AGAP1: variants seen among roughly 807,000 people sequenced by gnomAD.
AGAP1 encodes the protein arf-GAP with GTPase, ANK repeat and PH domain-containing protein 1.
AGAP1 carries 29 observed loss-of-function variants against 105.3 expected under a neutral mutation model. That is an observed-to-expected ratio of 0.28 (90% CI 0.21 to 0.38). AGAP1 has a LOEUF of 0.38. AGAP1 is among the 10% of genes least tolerant of loss of function. The probability of loss-of-function intolerance (pLI) is 1.00; values close to 1 mark genes in which losing one functional copy is unlikely to be tolerated. For missense variants in AGAP1, 998 were observed against 1,165.1 expected, an observed-to-expected ratio of 0.86 and a Z score of 2.09; for synonymous variants, 509 against 485.9, an observed-to-expected ratio of 1.05 and a Z score of -0.63.
In AGAP1 at chr2:235,891,858, A is replaced by C. The variant is rs1398371829; in HGVS notation, c.1155+8409A>C. 6.6e-6 allele frequency among the ~76,000 whole-genome samples: 1 copy of C among 152,134 alleles called. No homozygotes were observed. The highest frequency in any genetic ancestry group is 1.5e-5 in the Non-Finnish European group (1 of 68,032). On this transcript the variant is annotated intron_variant, in intron 10 of 17. Transcript: ENST00000304032. The surrounding 1 kb of genome is among the most constrained non-coding windows in gnomAD (Gnocchi z 4.2). ...CGTGCATGAACTGGTCAGACTTTTA[A>C]AAAACCTCCTTCTGGCCAGGTGTGG...
chr2:235,573,685 C>A (rs770680102), intron 1 of AGAP1, among the ~76,000 whole-genome samples: 1 of 152,246 alleles, frequency 6.6e-6, no homozygotes, highest in Non-Finnish European at 1.5e-5. Flanking sequence ...GAATTCTGGT[C>A]TCTGCAAACG....
intron 1 of AGAP1, among the ~76,000 whole-genome samples, chr2:235,547,429 G>T (rs1943662499): frequency 6.6e-6 from 1 of 150,792 alleles, no homozygotes; most frequent in African/African-American, 2.4e-5. Context: ...TGCGATCTCG[G>T]CTCACTGCAA....
chr2:235,821,086 A>G (rs1958760711), intron 9 of AGAP1, among the ~76,000 whole-genome samples: 1 of 152,214 alleles, frequency 6.6e-6, no homozygotes, highest in South Asian at 2.1e-4. Flanking sequence ...GGAGAAAGGG[A>G]AAAAGACCTT....
rs1250772330 is a variant in AGAP1 at position 235,707,472 on chromosome 2, ACCCCC to A, written c.164-1697_164-1693del. On this transcript the variant is annotated intron_variant, in intron 1 of 17. Coordinates refer to ENST00000304032, the MANE Select transcript of AGAP1 (RefSeq NM_001037131.3). The stretch of plus-strand genomic sequence containing the variant: ...TTGCTGCACAGTTGCCCTCCCCATG[ACCCCC>A]CCCCCCCCCGCCCAGAACACACTGG... 5.8e-3 allele frequency among the ~76,000 whole-genome samples: 129 copies of A among 22,422 alleles called. 18 individuals carry two copies. The South Asian group carries it at 0.13, about 23-fold the overall frequency. The allele number at this position is 22,422 out of a possible 152,430, so 14.7% of individuals were successfully genotyped here.
In AGAP1 at chr2:235,599,015, G is replaced by A. The variant is rs1406394390; in HGVS notation, c.163+104166G>A. 6.6e-6 allele frequency among the ~76,000 whole-genome samples: 1 copy of A among 152,138 alleles called. No individual in the cohort carries two copies. The highest frequency in any genetic ancestry group is 1.5e-5 in the Non-Finnish European group (1 of 68,040). ...TCTTGTTGACATTTGCGTCTGTGGT[G>A]GTGTACACAGATGAGCTCACTGCTG... On this transcript the variant is annotated intron_variant, in intron 1 of 17. Coordinates refer to ENST00000304032, the MANE Select transcript of AGAP1 (RefSeq NM_001037131.3). This position sits in a 1 kb window ranked among gnomAD's most constrained non-coding sequence, Gnocchi z 5.3.
rs372723604 is a variant in AGAP1 at position 235,807,281 on chromosome 2, G to A, written c.1000G>A (p.Glu334Lys). 1 of 1,606,866 alleles carries A rather than the reference G, an allele frequency of 6.2e-7. No individual in the cohort carries two copies. Residue 334 changes from glutamate (E) to lysine (K), a missense_variant, in exon 9 of 18, where the codon GAG becomes AAG. Glu to Lys is a moderately conservative substitution (Grantham distance 56, BLOSUM62 1). Coordinates refer to ENST00000304032, the MANE Select transcript of AGAP1 (RefSeq NM_001037131.3). ...SDPDKEKKGLESRADSIGSGR... is the reference protein window; with the variant it reads ...SDPDKEKKGLKSRADSIGSGR... ...CCCAGACAAAGAGAAGAAAGGCCTGGAGAGTCGTGCGGACAGCATTGGGAG... is the reference window on the plus strand; with the variant it reads ...CCCAGACAAAGAGAAGAAAGGCCTGAAGAGTCGTGCGGACAGCATTGGGAG...
At position 235,622,049 on chromosome 2, in the gene AGAP1, T is replaced by G. The variant is rs1946501219; in HGVS notation, c.164-87130T>G. Among the ~76,000 whole-genome samples the G allele has an allele frequency of 6.6e-6, 1 of 152,242 alleles. No individual in the cohort carries two copies. Among genetic ancestry groups the G allele is most frequent in the African/African-American group, 2.4e-5 (1 of 41,476 alleles). ...CAGCTTGCTACTGTCCAACCTAAGC[T>G]CATATTCAACACTTTAGAATGCCTT... On this transcript the variant is annotated intron_variant, in intron 1 of 17. Transcript: ENST00000304032. The surrounding 1 kb of genome is among the most constrained non-coding windows in gnomAD (Gnocchi z 5.0).
At position 235,989,147 on chromosome 2, in the gene AGAP1, G is replaced by A. The variant is rs910005453; in HGVS notation, c.1645+20524G>A. On this transcript the variant is annotated intron_variant, in intron 13 of 17. Coordinates refer to ENST00000304032, the MANE Select transcript of AGAP1 (RefSeq NM_001037131.3). This position sits in a 1 kb window ranked among gnomAD's most constrained non-coding sequence, Gnocchi z 4.4. ...TGGTTGTTGTTATTTAAAACTGCAA[G>A]ACGTAGGCAATACCAGGTCTTAACA... Among the ~76,000 whole-genome samples, 2 of 152,192 alleles carry A rather than the reference G, an allele frequency of 1.3e-5. No individual in the cohort carries two copies. The highest frequency in any genetic ancestry group is 4.8e-5 in the African/African-American group (2 of 41,452).
At chr2:235,812,316 C>T (rs964802524) in intron 9 of AGAP1, among the ~76,000 whole-genome samples, 32 of 152,288 alleles carry the variant, frequency 2.1e-4, no homozygotes, top group African/African-American at 6.5e-4. Flanking sequence ...CCGGCCTGCC[C>T]GGGGCAAGCC....
At chr2:235,923,412 C>A (rs2052283635) in intron 11 of AGAP1, among the ~76,000 whole-genome samples, 2 of 152,144 alleles carry the variant, frequency 1.3e-5, no homozygotes, top group African/African-American at 4.8e-5. Context: ...ACATAAGACG[C>A]ACAGAATCAT....
Position 235,925,904 on chromosome 2 carries a change from C to T in AGAP1, c.1325-4861C>T, listed in dbSNP as rs2052424478. ...CAGCTTGTTTCACAAATGAGAACTT[C>T]AGACCTTCAGCCTTAATTAATAACT... is the stretch of plus-strand genomic sequence containing the variant. On this transcript the variant is annotated intron_variant, in intron 11 of 17. Transcript: ENST00000304032. 1.3e-5 allele frequency among the ~76,000 whole-genome samples: 2 copies of T among 152,230 alleles called. 1 individual carries two copies. The highest frequency in any genetic ancestry group is 4.8e-5 in the African/African-American group (2 of 41,458).
At chr2:235,561,154 C>T (rs1944137495) in intron 1 of AGAP1, among the ~76,000 whole-genome samples, 1 of 152,164 alleles carries the variant, frequency 6.6e-6, no homozygotes, top group African/African-American at 2.4e-5. Context: ...CTCGCCTGTG[C>T]TCTCTATGTG....
chr2:235,527,743 G>C (rs13387992), intron 1 of AGAP1, among the ~76,000 whole-genome samples: 236 of 152,128 alleles, frequency 1.6e-3, no homozygotes, highest in African/African-American at 5.4e-3. Flanking sequence ...GTAGAAACAG[G>C]GTGGAAAAAA....
intron 1 of AGAP1, among the ~76,000 whole-genome samples, chr2:235,583,566 T>C (rs1485159691): frequency 6.6e-6 from 1 of 151,418 alleles, no homozygotes; most frequent in Non-Finnish European, 1.5e-5. Flanking sequence ...TTTTTTTTTT[T>C]TTTTTTTTGG....
At chr2:235,532,225 T>C (rs1480185744) in intron 1 of AGAP1, among the ~76,000 whole-genome samples, 2 of 152,210 alleles carry the variant, frequency 1.3e-5, no homozygotes, top group African/African-American at 4.8e-5. Flanking sequence ...TGTAGCTTTT[T>C]AGTTTTTTTC....
At chr2:236,084,185 G>A (rs558384684) in intron 16 of AGAP1, among the ~76,000 whole-genome samples, 3 of 151,198 alleles carry the variant, frequency 2.0e-5, no homozygotes, top group South Asian at 2.1e-4. Context: ...GGGAACAGCT[G>A]TAATGATGGT....
chr2:235,758,906 C>T (rs1347472009), intron 6 of AGAP1, among the ~76,000 whole-genome samples: 2 of 152,184 alleles, frequency 1.3e-5, no homozygotes, highest in East Asian at 1.9e-4. Context: ...CGTCCTCCCG[C>T]CCCAGCCTCC....
rs2054113506 is a variant in AGAP1 at position 235,959,970 on chromosome 2, T to C, written c.1484-8492T>C. On this transcript the variant is annotated intron_variant, in intron 12 of 17. Coordinates refer to ENST00000304032, the MANE Select transcript of AGAP1 (RefSeq NM_001037131.3). The surrounding 1 kb of genome is among the most constrained non-coding windows in gnomAD (Gnocchi z 7.3). Reference sequence around the variant, plus strand: ...TGGTTGTCTCCTTCCAGCAAGAAAGTTGGAGTAAAATGTCCAGGGCCTGGG... The same window carrying C: ...TGGTTGTCTCCTTCCAGCAAGAAAGCTGGAGTAAAATGTCCAGGGCCTGGG... Among the ~76,000 whole-genome samples, 1 of 151,996 alleles carries C rather than the reference T, an allele frequency of 6.6e-6. No homozygotes were observed. Among genetic ancestry groups the C allele is most frequent in the African/African-American group, 2.4e-5 (1 of 41,380 alleles).
In AGAP1 at chr2:235,789,333, T is replaced by A. The variant is rs551987709; in HGVS notation, c.674-8426T>A. On this transcript the variant is annotated intron_variant, in intron 6 of 17. Coordinates refer to ENST00000304032, the MANE Select transcript of AGAP1 (RefSeq NM_001037131.3). The surrounding 1 kb of genome is among the most constrained non-coding windows in gnomAD (Gnocchi z 4.2). ...CAGCAGCCTTGACTTTGCTCTGTCC[T>A]GAAGGTAACTGTTTATTACAGTCGG... Among the ~76,000 whole-genome samples the A allele has an allele frequency of 1.3e-5, 2 of 152,230 alleles. No homozygotes were observed. The highest frequency in any genetic ancestry group is 2.9e-5 in the Non-Finnish European group (2 of 68,048).
Sources: allele counts gnomAD v4.1 joint callset (sites outside exome capture counted in the v4.1 genomes callset), GRCh38; gene constraint gnomAD v4.1.1; non-coding constraint Gnocchi (gnomAD v3.1); transcripts MANE v1.5; gene names NCBI Gene and HGNC (gene_info 2026-07-23, HGNC 2026-07-21).